The following XPOT variants were observed in gnomAD, a reference collection of about 807,000 sequenced individuals.
The protein encoded by XPOT is exportin-T.
A neutral mutation model predicts 128.2 loss-of-function variants in XPOT; 34 were observed. That is an observed-to-expected ratio of 0.27 (90% CI 0.20 to 0.35). The LOEUF (loss-of-function observed/expected upper bound fraction) is 0.35. Among genes scored for constraint, XPOT ranks in the 10% least tolerant of loss-of-function variants. The pLI, the probability that XPOT is intolerant of heterozygous loss-of-function variation, is 1.00. For missense variants in XPOT, 838 were observed against 1,125.3 expected, an observed-to-expected ratio of 0.74 and a Z score of 3.65; for synonymous variants, 348 against 394.3, an observed-to-expected ratio of 0.88 and a Z score of 1.39.
Position 64,439,226 on chromosome 12 carries a change from G to GT in XPOT, c.2734-17dup. The stretch of plus-strand genomic sequence containing the variant: ...ATGTCAAGCAAGAAAATAGTTGTAA[G>GT]TATCTTTTAATCTTCAGGGCCCAGA... On this transcript the variant is annotated splice_polypyrimidine_tract_variant and intron_variant, in intron 22 of 24. Coordinates refer to ENST00000332707, the MANE Select transcript of XPOT (RefSeq NM_007235.6). 1 of 1,611,474 alleles carries GT rather than the reference G, an allele frequency of 6.2e-7. No homozygotes were observed. The highest frequency in any genetic ancestry group is 8.5e-7 in the Non-Finnish European group (1 of 1,177,770).
Position 64,423,079 on chromosome 12 carries a change from G to T in XPOT, c.1119+36G>T, listed in dbSNP as rs757812010. Reference sequence around the variant, plus strand: ...TTATGCTTCTTTTAAACCAATGATAGATTTTTAGTCTGTAATTTGCCTTGA... The same window carrying T: ...TTATGCTTCTTTTAAACCAATGATATATTTTTAGTCTGTAATTTGCCTTGA... On this transcript the variant is annotated intron_variant, in intron 10 of 24. Transcript: ENST00000332707. 4.4e-6 allele frequency: 7 copies of T among 1,608,952 alleles called. No individual in the cohort carries two copies. The East Asian group carries it at 1.6e-4, about 36-fold the overall frequency.
chr12:64,433,089 G>A (rs2136030723), intron 18 of XPOT, among the ~76,000 whole-genome samples: 1 of 152,198 alleles, frequency 6.6e-6, no homozygotes. Flanking sequence ...GGGACTACAG[G>A]CGTGCGCCAC....
intron 16 of XPOT, among the ~76,000 whole-genome samples, chr12:64,429,377 A>C (rs1258321291): frequency 6.6e-6 from 1 of 152,130 alleles, no homozygotes; most frequent in Non-Finnish European, 1.5e-5. Flanking sequence ...CCTTACAGAC[A>C]CATGCAAAAT....
At chr12:64,440,551 G>A (rs972956346) in intron 23 of XPOT, among the ~76,000 whole-genome samples, 4 of 152,104 alleles carry the variant, frequency 2.6e-5, no homozygotes, top group African/African-American at 9.7e-5. Flanking sequence ...TTTCTATAGT[G>A]GCTATACACC....
chr12:64,412,949 T>C (rs947214545), intron 2 of XPOT, among the ~76,000 whole-genome samples: 1 of 152,062 alleles, frequency 6.6e-6, no homozygotes, highest in Admixed American at 6.6e-5. Context: ...TTGTGCCCTC[T>C]CTAGGAACAC....
intron 14 of XPOT, 67 bp downstream of exon 14, chr12:64,425,524 A>G (rs1447475023): frequency 1.3e-6 from 2 of 1,563,926 alleles, no homozygotes; most frequent in Non-Finnish European, 1.7e-6. Context: ...GTAGTATTGT[A>G]TTTTTCTGTC....
rs1462565986 is a variant in XPOT at position 64,448,638 on chromosome 12, T to C, written c.*507T>C. 6.6e-6 allele frequency: 1 copy of C among 152,126 alleles called. No individual in the cohort carries two copies. The highest frequency in any genetic ancestry group is 1.5e-5 in the Non-Finnish European group (1 of 67,944). The allele number at this position is 152,126 out of a possible 1,614,324, so 9.4% of individuals were successfully genotyped here. On this transcript the variant is annotated 3_prime_UTR_variant, in exon 25 of 25. Transcript: ENST00000332707. The stretch of plus-strand genomic sequence containing the variant: ...AGAATGGTTTTAGGCTCCAGTGTTA[T>C]ACTTTTTTTTATATATATATATAAA...
chr12:64,431,483 AT>A, intron 17 of XPOT, 54 bp from the exon 18 acceptor site: 2 of 1,572,848 alleles, frequency 1.3e-6, no homozygotes, highest in Non-Finnish European at 1.7e-6. Flanking sequence ...TGAATACTCC[AT>A]AACACTTTTA....
intron 2 of XPOT, 72 bp downstream of exon 2, chr12:64,410,167 G>A: frequency 6.9e-7 from 1 of 1,440,450 alleles, no homozygotes. Context: ...GAATAAAAAT[G>A]CACCTGGCAA....
At chr12:64,423,616 G>A (rs909333882) in intron 11 of XPOT, among the ~76,000 whole-genome samples, 2 of 152,050 alleles carry the variant, frequency 1.3e-5, no homozygotes, top group African/African-American at 4.8e-5. Flanking sequence ...ACCATGCCCG[G>A]CTAATTCTTG....
intron 23 of XPOT, 54 bp downstream of exon 23, chr12:64,439,369 T>G: frequency 1.3e-6 from 2 of 1,488,740 alleles, no homozygotes; most frequent in Non-Finnish European, 1.9e-6. Flanking sequence ...AGTAGCAGCA[T>G]TGCCTGTGAC....
intron 6 of XPOT, 51 bp from the exon 7 acceptor site, chr12:64,420,019 A>G: frequency 6.7e-7 from 1 of 1,496,274 alleles, no homozygotes; most frequent in Non-Finnish European, 8.9e-7. Flanking sequence ...TCAGATATCA[A>G]ACATGATTTT....
rs893900488 is a variant in XPOT, at chr12:64,425,334, C to G, written c.1453-4C>G. On this transcript the variant is annotated splice_region_variant and splice_polypyrimidine_tract_variant and intron_variant, in intron 13 of 24. Coordinates refer to ENST00000332707, the MANE Select transcript of XPOT (RefSeq NM_007235.6). Reference sequence around the variant, plus strand: ...AGAGGTTTCCTAACTTTTTCCTGATCTAGCTGGTAACATCAGGAGTCAGTT... The same window carrying G: ...AGAGGTTTCCTAACTTTTTCCTGATGTAGCTGGTAACATCAGGAGTCAGTT... The G allele has an allele frequency of 8.7e-6, 14 of 1,612,110 alleles. No individual in the cohort carries two copies. The highest frequency in any genetic ancestry group is 1.3e-5 in the African/African-American group (1 of 74,818).
intron 23 of XPOT, among the ~76,000 whole-genome samples, chr12:64,444,760 G>A (rs1468007263): frequency 6.6e-6 from 1 of 152,084 alleles, no homozygotes; most frequent in African/African-American, 2.4e-5. Context: ...TTACTGTACT[G>A]TACATGTAAA....
chr12:64,420,277 T>C (rs1246563540), intron 7 of XPOT, 23 bp downstream of exon 7: 1 of 1,584,244 alleles, frequency 6.3e-7, no homozygotes, highest in Non-Finnish European at 8.6e-7. Flanking sequence ...ATTATTTTTA[T>C]AGTATAAACT....
intron 1 of XPOT, 95 bp from the exon 2 acceptor site, chr12:64,409,867 C>G: frequency 1.8e-6 from 1 of 554,014 alleles, no homozygotes; most frequent in South Asian, 2.8e-5. Flanking sequence ...AACATTTAAG[C>G]TTCTTTGCAT....
At chr12:64,411,678 A>G (rs929954366) in intron 2 of XPOT, among the ~76,000 whole-genome samples, 1 of 152,206 alleles carries the variant, frequency 6.6e-6, no homozygotes. Flanking sequence ...TGAATTCTGA[A>G]AGCCCTTTTG....
intron 3 of XPOT, among the ~76,000 whole-genome samples, chr12:64,415,803 A>T (rs2040082558): frequency 6.6e-6 from 1 of 152,190 alleles, no homozygotes; most frequent in African/African-American, 2.4e-5. Flanking sequence ...GGTTGGTCAC[A>T]CCTGTAACCC....
chr12:64,436,823 C>T (rs1479299455), intron 22 of XPOT, among the ~76,000 whole-genome samples: 3 of 152,218 alleles, frequency 2.0e-5, no homozygotes, highest in African/African-American at 7.2e-5. Flanking sequence ...TCAAACATTC[C>T]TCCTGCCTTG....
Sources: allele counts gnomAD v4.1 joint callset (sites outside exome capture counted in the v4.1 genomes callset), GRCh38; gene constraint gnomAD v4.1.1; transcripts MANE v1.5; gene names NCBI Gene and HGNC (gene_info 2026-07-23, HGNC 2026-07-21).